Variants in RAB11FIP3 observed in about 807,000 individuals in gnomAD.
The protein encoded by RAB11FIP3 is rab11 family-interacting protein 3.
In RAB11FIP3, 17 loss-of-function variants were observed where a neutral mutation model predicts 77.8. The ratio of observed to expected loss-of-function variants is 0.22; its 90% CI spans 0.15 to 0.33. RAB11FIP3 has a LOEUF of 0.33. Ranked by LOEUF, RAB11FIP3 falls within the 10% of genes least tolerant of loss-of-function variation. The probability of loss-of-function intolerance (pLI) is 1.00; values close to 1 mark genes in which losing one functional copy is unlikely to be tolerated. For synonymous variants in RAB11FIP3, 437 were observed against 448.2 expected (o/e 0.98, Z 0.31); for missense variants, 1,005 against 1,011.2 (o/e 0.99, Z 0.08).
intron 5 of RAB11FIP3, among the ~76,000 whole-genome samples, chr16:492,385 C>CTCCCCGGGG (rs1216000473): frequency 6.9e-6 from 1 of 144,586 alleles, no homozygotes; most frequent in Non-Finnish European, 1.5e-5. Flanking sequence ...CGAGGCCGCC[C>CTCCCCGGGG]AGAGCCCTCC....
At chr16:450,590 G>T (rs2055391214) in intron 1 of RAB11FIP3, among the ~76,000 whole-genome samples, 1 of 152,172 alleles carries the variant, frequency 6.6e-6, no homozygotes, top group Non-Finnish European at 1.5e-5. Flanking sequence ...TGTTACCCAG[G>T]ACACTGCAGC....
chr16:498,731 C>G (rs1051674911), intron 6 of RAB11FIP3, among the ~76,000 whole-genome samples: 1 of 152,178 alleles, frequency 6.6e-6, no homozygotes, highest in East Asian at 1.9e-4. Flanking sequence ...TCTTGAACTC[C>G]TGGGCTCTAG....
At chr16:438,948 A>G (rs553083331) in intron 1 of RAB11FIP3, among the ~76,000 whole-genome samples, 2 of 152,226 alleles carry the variant, frequency 1.3e-5, no homozygotes, top group East Asian at 1.9e-4. Flanking sequence ...TTGGCACCCA[A>G]AGTGCTGGGA....
At chr16:491,531 T>A (rs2030189628) in intron 5 of RAB11FIP3, among the ~76,000 whole-genome samples, 1 of 152,250 alleles carries the variant, frequency 6.6e-6, no homozygotes, top group Admixed American at 6.5e-5. Flanking sequence ...GTCCTGTGTG[T>A]GAAAGAGGAT....
chr16:438,631 G>T (rs1326778210), intron 1 of RAB11FIP3, among the ~76,000 whole-genome samples: 3 of 150,272 alleles, frequency 2.0e-5, no homozygotes, highest in African/African-American at 7.4e-5. Context: ...GGATCTGTCT[G>T]CCTTGGGCTC....
At chr16:503,472 A>C (rs907211579) in intron 7 of RAB11FIP3, among the ~76,000 whole-genome samples, 1 of 152,098 alleles carries the variant, frequency 6.6e-6, no homozygotes. Context: ...TTTGGGAGAA[A>C]AGGGCTGGCC....
intron 1 of RAB11FIP3, among the ~76,000 whole-genome samples, chr16:438,624 T>A (rs1274887155): frequency 6.6e-6 from 1 of 151,614 alleles, no homozygotes; most frequent in Non-Finnish European, 1.5e-5. Context: ...GACCTTGGGA[T>A]CTGTCTGCCT....
chr16:466,167 G>A (rs2055699013), intron 2 of RAB11FIP3, among the ~76,000 whole-genome samples: 1 of 152,194 alleles, frequency 6.6e-6, no homozygotes, highest in South Asian at 2.1e-4. Context: ...CTGGGCCTGT[G>A]ACTGAGGGCA....
chr16:487,194 G>C (rs1202809776), intron 4 of RAB11FIP3, among the ~76,000 whole-genome samples: 2 of 150,210 alleles, frequency 1.3e-5, no homozygotes, highest in South Asian at 4.2e-4. Flanking sequence ...GCAGTGGCGC[G>C]ATCTCGGCTC....
chr16:463,410 G>A (rs1041257442), intron 2 of RAB11FIP3, among the ~76,000 whole-genome samples: 1 of 149,472 alleles, frequency 6.7e-6, no homozygotes, highest in Non-Finnish European at 1.5e-5. Flanking sequence ...CTGGGGAAAC[G>A]TGCTGTGTGT....
chr16:430,357 T>A (rs2055016888), intron 1 of RAB11FIP3, among the ~76,000 whole-genome samples: 1 of 152,170 alleles, frequency 6.6e-6, no homozygotes, highest in South Asian at 2.1e-4. Flanking sequence ...TTACAGTCAC[T>A]TAAGCAGTTG....
intron 1 of RAB11FIP3, among the ~76,000 whole-genome samples, chr16:433,547 C>T (rs965435364): frequency 6.6e-6 from 1 of 151,772 alleles, no homozygotes; most frequent in Non-Finnish European, 1.5e-5. Flanking sequence ...CATTTTTTTA[C>T]GTGGCCAAAT....
chr16:446,495 T>C (rs528083675), intron 1 of RAB11FIP3, among the ~76,000 whole-genome samples: 1 of 152,036 alleles, frequency 6.6e-6, no homozygotes, highest in Non-Finnish European at 1.5e-5. Context: ...GCAGATCGGG[T>C]GGGCAGTGCA....
At chr16:453,950 T>C (rs572719583) in intron 1 of RAB11FIP3, among the ~76,000 whole-genome samples, 5 of 149,014 alleles carry the variant, frequency 3.4e-5, no homozygotes, top group Non-Finnish European at 7.5e-5. Flanking sequence ...TGAGCACATT[T>C]CAGAGTAGGA....
chr16:468,674 G>C (rs2055759760), intron 2 of RAB11FIP3, among the ~76,000 whole-genome samples: 1 of 152,138 alleles, frequency 6.6e-6, no homozygotes, highest in East Asian at 1.9e-4. Flanking sequence ...CACAGGCCTT[G>C]TTTCAGGAAT....
intron 3 of RAB11FIP3, among the ~76,000 whole-genome samples, chr16:473,193 C>G (rs1027886143): frequency 1.3e-5 from 2 of 152,206 alleles, no homozygotes; most frequent in Non-Finnish European, 2.9e-5. Context: ...TGCATTTTAT[C>G]CTTAAAGGCC....
intron 2 of RAB11FIP3, among the ~76,000 whole-genome samples, chr16:468,969 C>T (rs544336184): frequency 6.4e-4 from 97 of 152,268 alleles, no homozygotes; most frequent in African/African-American, 1.9e-3. Flanking sequence ...CAAAATGCTT[C>T]GCTGTATATT....
In RAB11FIP3 at chr16:471,164, C is replaced by G. The variant is rs549937611; in HGVS notation, c.809-131C>G. The G allele has an allele frequency of 1.1e-5, 8 of 709,496 alleles. No individual in the cohort carries two copies. Among genetic ancestry groups the G allele is most frequent in the Admixed American group, 9.7e-5 (4 of 41,360 alleles). The allele number at this position is 709,496 out of a possible 1,614,324, so 44.0% of individuals were successfully genotyped here. A position where few individuals can be genotyped will look rare whatever the true frequency, so the allele number is the denominator to read the frequency against. On this transcript the variant is annotated intron_variant, in intron 2 of 13. Transcript: ENST00000262305. This position sits in a 1 kb window ranked among gnomAD's most constrained non-coding sequence, Gnocchi z 4.4. ...GCTCACTCCCTTGCTTGTCTTGACC[C>G]CCCCCAGGGCCCCCAACTCCCACAC...
chr16:432,535 G>A (rs943579471), intron 1 of RAB11FIP3, among the ~76,000 whole-genome samples: 3 of 150,764 alleles, frequency 2.0e-5, no homozygotes, highest in Non-Finnish European at 2.9e-5. Context: ...CTTGATTATA[G>A]ATAAATGTTA....
Sources: gnomAD v4.1 joint callset for allele counts (sites outside exome capture counted in the v4.1 genomes callset) on GRCh38, gnomAD v4.1.1 for gene constraint, Gnocchi (gnomAD v3.1) non-coding constraint, MANE v1.5 for transcripts, NCBI Gene and HGNC (gene_info 2026-07-23, HGNC 2026-07-21) for gene names.